HTR1D: variants seen among roughly 807,000 people sequenced by gnomAD.
The protein encoded by HTR1D is 5-hydroxytryptamine receptor 1D.
In HTR1D, 18 loss-of-function variants were observed where a neutral mutation model predicts 21.1. That is an observed-to-expected ratio of 0.85 (90% CI 0.59 to 1.27). The LOEUF (loss-of-function observed/expected upper bound fraction) is 1.27. Among genes scored for constraint, HTR1D ranks in the 50% most tolerant of loss-of-function variants. The probability of loss-of-function intolerance (pLI) is 0.00; values close to 1 mark genes in which losing one functional copy is unlikely to be tolerated. For synonymous variants in HTR1D, 196 were observed against 204.4 expected, an observed-to-expected ratio of 0.96 and a Z score of 0.35; for missense variants, 456 against 481.4, an observed-to-expected ratio of 0.95 and a Z score of 0.49.
rs776408605 is a variant in HTR1D at position 23,193,245 on chromosome 1, G to A, written c.975C>T (p.Pro325=). Residue 325 remains proline, a synonymous_variant, in exon 2 of 2, where the codon CCC becomes CCT. Coordinates refer to ENST00000374619, the MANE Select transcript of HTR1D (RefSeq NM_000864.5). ...LPFFVVSLVL[P]ICRDSCWIHP... is the part of the protein sequence containing the mutation. ...GGATCCAGCAGGAGTCCCGGCAGATGGGGAGGACCAGAGACACCACGAAGA... is the reference window on the plus strand; with the variant it reads ...GGATCCAGCAGGAGTCCCGGCAGATAGGGAGGACCAGAGACACCACGAAGA... The A allele has an allele frequency of 1.9e-5, 31 of 1,614,016 alleles. No homozygotes were observed. Among genetic ancestry groups the A allele is most frequent in the Non-Finnish European group, 2.5e-5 (30 of 1,180,028 alleles).
In HTR1D at chr1:23,193,686, C is replaced by T; in HGVS notation, c.534G>A (p.Gln178=). Residue 178 remains glutamine, a synonymous_variant, in exon 2 of 2, where the codon CAG becomes CAA. Coordinates refer to ENST00000374619, the MANE Select transcript of HTR1D (RefSeq NM_000864.5). ...CISIPPLFWR[Q]AKAQEEMSDC... is the part of the protein sequence containing the mutation. ...CCGACATCTCCTCCTGGGCCTTGGC[C>T]TGCCGCCAGAAGAGCGGGGGGATGG... 1.2e-6 allele frequency: 2 copies of T among 1,613,648 alleles called. No individual in the cohort carries two copies. Among genetic ancestry groups the T allele is most frequent in the Non-Finnish European group, 1.7e-6 (2 of 1,179,774 alleles).
At position 23,194,595 on chromosome 1, in the gene HTR1D, G is replaced by T. The variant is rs559638889; in HGVS notation, c.-376C>A. On this transcript the variant is annotated 5_prime_UTR_variant, in exon 2 of 2. Transcript: ENST00000374619. ...CTGAATTTGTTAGACAATTATCAGGGGATCACACCCAGGTGGGCAATGCCC... is the reference window on the plus strand; with the variant it reads ...CTGAATTTGTTAGACAATTATCAGGTGATCACACCCAGGTGGGCAATGCCC... The T allele has an allele frequency of 1.7e-5, 3 of 171,800 alleles. No individual in the cohort carries two copies. The South Asian group carries it at 5.8e-4, about 33-fold the overall frequency. The allele number at this position is 171,800 out of a possible 1,614,324, so 10.6% of individuals were successfully genotyped here. A position where few individuals can be genotyped will look rare whatever the true frequency, so the allele number is the denominator to read the frequency against.
chr1:23,212,432 T>A (rs1644757058), intron 1 of HTR1D, among the ~76,000 whole-genome samples: 1 of 152,160 alleles, frequency 6.6e-6, no homozygotes, highest in Non-Finnish European at 1.5e-5. Flanking sequence ...AGACCAAGTT[T>A]AACTCTCCCC....
chr1:23,208,219 A>G (rs545178450), intron 1 of HTR1D, among the ~76,000 whole-genome samples: 31 of 152,340 alleles, frequency 2.0e-4, no homozygotes, highest in Non-Finnish European at 4.1e-4. Flanking sequence ...GCTTGAGCCC[A>G]GGAGTTCAAG....
In HTR1D at chr1:23,194,160, CA is replaced by C; in HGVS notation, c.59del (p.Leu20ArgfsTer57). The C allele has an allele frequency of 6.2e-7, 1 of 1,614,102 alleles. No individual in the cohort carries two copies. Among genetic ancestry groups the C allele is most frequent in the Non-Finnish European group, 8.5e-7 (1 of 1,180,008 alleles). ...AAGCCTCTGAGGTTTCTGTGGCATT[CA>C]GGGATCTGTTGGAGGCCTCCTGGGG... Reference protein sequence around the residue: ...GLPQEASNRSLNATETSEAWD... With the variant: ...GLPQEASNRSXNATETSEAWD... On this transcript the variant is annotated frameshift_variant, in exon 2 of 2. Coordinates refer to ENST00000374619, the MANE Select transcript of HTR1D (RefSeq NM_000864.5). LOFTEE classifies it high-confidence loss of function.
At chr1:23,212,051 T>C (rs1569768083) in intron 1 of HTR1D, among the ~76,000 whole-genome samples, 1 of 152,220 alleles carries the variant, frequency 6.6e-6, no homozygotes, top group East Asian at 1.9e-4. Flanking sequence ...TCACCTGGAC[T>C]GAACAAAAGA....
In HTR1D at chr1:23,193,361, C is replaced by T. The variant is rs1289530934; in HGVS notation, c.859G>A (p.Glu287Lys). The T allele has an allele frequency of 2.5e-6, 4 of 1,614,054 alleles. No homozygotes were observed. The highest frequency in any genetic ancestry group is 3.4e-6 in the Non-Finnish European group (4 of 1,180,054). The change falls in exon 2 of 2, where the codon GAA becomes AAA. Residue 287 changes from glutamate (E) to lysine (K), a missense_variant. Coordinates refer to ENST00000374619, the MANE Select transcript of HTR1D (RefSeq NM_000864.5). The part of the protein sequence containing the change: ...VKIKLADSAL[E>K]RKRISAARER... ...CGAGCAGCAGAAATCCTCTTGCGTT[C>T]CAGGGCACTGTCAGCAAGCTTGATT...
At chr1:23,204,605 T>C (rs1185188529) in intron 1 of HTR1D, among the ~76,000 whole-genome samples, 2 of 152,042 alleles carry the variant, frequency 1.3e-5, no homozygotes, top group South Asian at 4.1e-4. Context: ...AAAAGGAGTA[T>C]TTTTTTTGTC....
At chr1:23,201,017 G>C (rs1644707369) in intron 1 of HTR1D, among the ~76,000 whole-genome samples, 1 of 152,132 alleles carries the variant, frequency 6.6e-6, no homozygotes, top group Admixed American at 6.6e-5. Flanking sequence ...AAGAGGGGTG[G>C]AAAGAGAAAA....
At chr1:23,216,510 C>T (rs1644774060) in intron 1 of HTR1D, among the ~76,000 whole-genome samples, 1 of 152,236 alleles carries the variant, frequency 6.6e-6, no homozygotes, top group Non-Finnish European at 1.5e-5. Flanking sequence ...TAATCCCGAA[C>T]TTTCCCAGAC....
chr1:23,193,597 A>T lies in HTR1D; in HGVS notation c.623T>A (p.Ile208Asn), dbSNP rs1411789335. The change falls in exon 2 of 2, where the codon ATT becomes AAT. Residue 208 changes from isoleucine (I) to asparagine (N), a missense_variant. By Grantham distance (149) the Ile-to-Asn change is moderately radical. Coordinates refer to ENST00000374619, the MANE Select transcript of HTR1D (RefSeq NM_000864.5). ...TIYSTCGAFY[I>N]PSVLLIILYG... ...TAGGATGATGAGCAACACCGAGGGAATGTAGAAGGCCCCACAGGTGGAGTA... is the reference window on the plus strand; with the variant it reads ...TAGGATGATGAGCAACACCGAGGGATTGTAGAAGGCCCCACAGGTGGAGTA... The T allele has an allele frequency of 6.2e-7, 1 of 1,614,066 alleles. No homozygotes were observed. Among genetic ancestry groups the T allele is most frequent in the East Asian group, 2.2e-5 (1 of 44,872 alleles).
In HTR1D at chr1:23,208,026, G is replaced by A. The variant is rs143702027; in HGVS notation, c.-783+9265C>T. Among the ~76,000 whole-genome samples the A allele has an allele frequency of 8.3e-3, 1,258 of 152,206 alleles. 13 individuals are homozygous for A. The highest frequency in any genetic ancestry group is 0.026 in the African/African-American group (1,067 of 41,554). On this transcript the variant is annotated intron_variant, in intron 1 of 1. Transcript: ENST00000374619. Reference sequence around the variant, plus strand: ...GATCCGCCCACCTTGGCCTCCCAAAGTGCTGGGATTATAGGCGTGAGCCAC... The same window carrying A: ...GATCCGCCCACCTTGGCCTCCCAAAATGCTGGGATTATAGGCGTGAGCCAC...
chr1:23,199,413 GT>G (rs2148239650), intron 1 of HTR1D, among the ~76,000 whole-genome samples: 1 of 119,320 alleles, frequency 8.4e-6, no homozygotes, highest in East Asian at 2.6e-4. Context: ...GCCATGTGTG[GT>G]CTTTTTTTTT....
intron 1 of HTR1D, among the ~76,000 whole-genome samples, chr1:23,213,709 G>C (rs1644762892): frequency 6.6e-6 from 1 of 152,060 alleles, no homozygotes; most frequent in Admixed American, 6.6e-5. Flanking sequence ...TTGTACTCCT[G>C]TCTGCTTTCT....
intron 1 of HTR1D, among the ~76,000 whole-genome samples, chr1:23,213,615 A>T (rs566790240): frequency 6.6e-6 from 1 of 152,308 alleles, no homozygotes; most frequent in East Asian, 1.9e-4. Flanking sequence ...TTCACTAAAC[A>T]TGTTTGGGGC....
chr1:23,206,601 GC>G (rs1468831958), intron 1 of HTR1D, among the ~76,000 whole-genome samples: 6 of 152,080 alleles, frequency 3.9e-5, no homozygotes, highest in Non-Finnish European at 8.8e-5. Context: ...CTTTGTCCCT[GC>G]TGTGTCCTCT....
Position 23,193,060 on chromosome 1 carries a change from A to T in HTR1D, c.*26T>A. Reference sequence around the variant, plus strand: ...CCGATGAGGTTACAGGACACAAAAGATAACAAGAGTCATCACCGAATAAGA... The same window carrying T: ...CCGATGAGGTTACAGGACACAAAAGTTAACAAGAGTCATCACCGAATAAGA... On this transcript the variant is annotated 3_prime_UTR_variant, in exon 2 of 2. Transcript: ENST00000374619. 1 of 1,512,746 alleles carries T rather than the reference A, an allele frequency of 6.6e-7. No homozygotes were observed. The highest frequency in any genetic ancestry group is 9.0e-7 in the Non-Finnish European group (1 of 1,116,432). 93.7% of individuals were successfully genotyped at this position (1,512,746 alleles called of 1,614,324 possible). A position where few individuals can be genotyped will look rare whatever the true frequency, so the allele number is the denominator to read the frequency against.
At chr1:23,198,048 G>A (rs2746556) in intron 1 of HTR1D, among the ~76,000 whole-genome samples, 74,193 of 149,678 alleles carry the variant, frequency 0.5, 19,200 homozygotes, top group African/African-American at 0.65. Context: ...AGCCTGGGCA[G>A]CACAGTGAGA....
chr1:23,194,253 A>T lies in HTR1D; in HGVS notation c.-34T>A. 1 of 1,581,598 alleles carries T rather than the reference A, an allele frequency of 6.3e-7. No homozygotes were observed. The highest frequency in any genetic ancestry group is 8.6e-7 in the Non-Finnish European group (1 of 1,164,518). Reference sequence around the variant, plus strand: ...GCTCTCTCTTCCCACAGACCTCCACACATTTGGCTCCTTCCTTCAAGGTTG... The same window carrying T: ...GCTCTCTCTTCCCACAGACCTCCACTCATTTGGCTCCTTCCTTCAAGGTTG... On this transcript the variant is annotated 5_prime_UTR_variant, in exon 2 of 2. Transcript: ENST00000374619.
Sources: gnomAD v4.1 joint callset for allele counts (sites outside exome capture counted in the v4.1 genomes callset) on GRCh38, gnomAD v4.1.1 for gene constraint, MANE v1.5 for transcripts, NCBI Gene and HGNC (gene_info 2026-07-23, HGNC 2026-07-21) for gene names.